IFT140: variants seen among roughly 807,000 people sequenced by gnomAD.
IFT140 encodes the protein intraflagellar transport 140, also known as intraflagellar transport protein 140 homolog.
In IFT140, 133 loss-of-function variants were observed where a neutral mutation model predicts 164.6. The ratio of observed to expected loss-of-function variants is 0.81; its 90% CI spans 0.70 to 0.93. The LOEUF (loss-of-function observed/expected upper bound fraction) is 0.93. IFT140 is among the 40% of genes least tolerant of loss of function. The pLI, the probability that IFT140 is intolerant of heterozygous loss-of-function variation, is 0.00. For synonymous variants in IFT140, 860 were observed against 817.3 expected (o/e 1.05, Z -0.89); for missense variants, 2,045 against 1,972.3 (o/e 1.04, Z -0.70).
chr16:1,582,604 G>A (rs923974909), intron 12 of IFT140, among the ~76,000 whole-genome samples: 2 of 152,242 alleles, frequency 1.3e-5, no homozygotes, highest in Admixed American at 1.3e-4. Flanking sequence ...AAGAGAGCAG[G>A]AAGAAAACAA....
chr16:1,580,038 G>C (rs970689465), intron 13 of IFT140: 8 of 151,852 alleles, frequency 5.3e-5, no homozygotes, highest in Middle Eastern at 3.2e-3. Flanking sequence ...GAGACAGCCT[G>C]GCTAAGGACA....
chr16:1,517,350 CAAAA>C (rs1331940278), intron 30 of IFT140, among the ~76,000 whole-genome samples: 3 of 60,162 alleles, frequency 5.0e-5, no homozygotes, highest in Admixed American at 3.6e-4. Flanking sequence ...ACTCCGTCTC[CAAAA>C]AAAAAAAAAA....
chr16:1,566,249 C>T lies in IFT140; in HGVS notation c.1813G>A (p.Glu605Lys). 6.2e-7 allele frequency: 1 copy of T among 1,613,912 alleles called. No individual in the cohort carries two copies. Among genetic ancestry groups the T allele is most frequent in the Non-Finnish European group, 8.5e-7 (1 of 1,179,812 alleles). ...TCAAAGACGGTCACTGTGTCCATTT[C>T]AACATCGTAGAAGCAGATTTTGGAA... ...PDSKICFYDV[E>K]MDTVTVFDFK... Residue 605 changes from glutamate to lysine, a missense_variant, in exon 16 of 31, where the codon GAA becomes AAA. Transcript: ENST00000426508.
At chr16:1,585,573 TAG>T (rs946578595) in intron 10 of IFT140, among the ~76,000 whole-genome samples, 2 of 152,252 alleles carry the variant, frequency 1.3e-5, no homozygotes, top group Admixed American at 1.3e-4. Flanking sequence ...TTCATACAGA[TAG>T]AGAGAGATGG....
intron 4 of IFT140, among the ~76,000 whole-genome samples, chr16:1,594,945 T>A (rs2035377828): frequency 1.3e-5 from 2 of 152,268 alleles, no homozygotes; most frequent in Non-Finnish European, 1.5e-5. Context: ...GATAACATGC[T>A]TTTTATTGTA....
chr16:1,523,517 C>G lies in IFT140; in HGVS notation c.3453+1G>C. The G allele has an allele frequency of 6.2e-7, 1 of 1,609,856 alleles. No homozygotes were observed. The highest frequency in any genetic ancestry group is 8.5e-7 in the Non-Finnish European group (1 of 1,179,488). ...GAGCCCAGGCCCCGCTGGCCCCGTACCTTCCTGGCAGCCAGCAGCAGCTCT... is the reference window on the plus strand; with the variant it reads ...GAGCCCAGGCCCCGCTGGCCCCGTAGCTTCCTGGCAGCCAGCAGCAGCTCT... On this transcript the variant is annotated splice_donor_variant, in intron 26 of 30. Coordinates refer to ENST00000426508, the MANE Select transcript of IFT140 (RefSeq NM_014714.4). LOFTEE classifies it high-confidence loss of function.
chr16:1,524,949 C>T (rs777141110), intron 22 of IFT140, 33 bp from the exon 23 acceptor site: 1 of 1,581,720 alleles, frequency 6.3e-7, no homozygotes, highest in African/African-American at 1.3e-5. Flanking sequence ...GATTCTCCAC[C>T]CGAGCCCCGC....
chr16:1,591,106 C>T (rs1289022011), intron 6 of IFT140, among the ~76,000 whole-genome samples: 1 of 152,182 alleles, frequency 6.6e-6, no homozygotes, highest in Non-Finnish European at 1.5e-5. Flanking sequence ...GATGAACTCA[C>T]CCACAAAGCC....
At chr16:1,529,770 T>A (rs1228559206) in intron 19 of IFT140, among the ~76,000 whole-genome samples, 1 of 152,186 alleles carries the variant, frequency 6.6e-6, no homozygotes. Context: ...AAAACTAGTT[T>A]ATAAACGGCT....
At chr16:1,556,054 C>T (rs1205011138) in intron 19 of IFT140, among the ~76,000 whole-genome samples, 1 of 152,050 alleles carries the variant, frequency 6.6e-6, no homozygotes, top group African/African-American at 2.4e-5. Flanking sequence ...TGCAGTGAGC[C>T]GAGATTGTGC....
At chr16:1,523,446 A>G (rs1033561218) in intron 26 of IFT140, 72 bp downstream of exon 26, 3 of 1,500,732 alleles carry the variant, frequency 2.0e-6, no homozygotes, top group Non-Finnish European at 2.7e-6. Flanking sequence ...CCATTCCCAC[A>G]GCCTCTGGGG....
intron 1 of IFT140, 70 bp from the exon 2 acceptor site, chr16:1,610,923 T>G (rs550926182): frequency 6.6e-6 from 1 of 152,496 alleles, no homozygotes; most frequent in Admixed American, 6.5e-5. Context: ...CTGGGTCCCC[T>G]TTGTGTGGAG....
At chr16:1,537,063 C>T (rs2031146117) in intron 19 of IFT140, among the ~76,000 whole-genome samples, 1 of 152,254 alleles carries the variant, frequency 6.6e-6, no homozygotes, top group African/African-American at 2.4e-5. Flanking sequence ...CTGCCTTGGC[C>T]AGTGTTCCTT....
In IFT140 at chr16:1,589,737, C is replaced by T. The variant is rs1270248004; in HGVS notation, c.678G>A (p.Val226=). The T allele has an allele frequency of 6.2e-7, 1 of 1,614,188 alleles. No homozygotes were observed. The highest frequency in any genetic ancestry group is 1.3e-5 in the African/African-American group (1 of 75,056). ...TCTGAATCGTGCTGTCTGCGGACAC[C>T]ACCTGAGTGGTCTTGCCCTTCTCAT... is the stretch of plus-strand genomic sequence containing the variant. ...YVDEKGKTTQ[V]VSADSTIQML... The change falls in exon 7 of 31, where the codon GTG becomes GTA. Residue 226 remains valine (V), a synonymous_variant. Transcript: ENST00000426508.
intron 4 of IFT140, among the ~76,000 whole-genome samples, chr16:1,594,858 G>C (rs2035373051): frequency 6.6e-6 from 1 of 152,218 alleles, no homozygotes; most frequent in Non-Finnish European, 1.5e-5. Flanking sequence ...CCAAAACTGG[G>C]GGCCCTTTAG....
At chr16:1,606,457 G>A (rs995434307) in intron 3 of IFT140, among the ~76,000 whole-genome samples, 1 of 152,182 alleles carries the variant, frequency 6.6e-6, no homozygotes, top group Non-Finnish European at 1.5e-5. Context: ...GACGGATGTC[G>A]TTTTCTTTTT....
intron 19 of IFT140, among the ~76,000 whole-genome samples, chr16:1,537,321 G>A (rs2076440): frequency 0.43 from 65,362 of 152,150 alleles, 15,429 homozygotes; most frequent in African/African-American, 0.63. Flanking sequence ...GGATGTCTCC[G>A]GACGGCTCTG....
chr16:1,569,650 G>A (rs1481667864), intron 14 of IFT140, among the ~76,000 whole-genome samples: 2 of 151,334 alleles, frequency 1.3e-5, no homozygotes, highest in African/African-American at 4.9e-5. Context: ...TAGTGCAGTG[G>A]TGTGATCTTG....
chr16:1,534,122 C>CCTG (rs2030800871), intron 19 of IFT140: 1 of 935,792 alleles, frequency 1.1e-6, no homozygotes, highest in Admixed American at 3.0e-5. Context: ...AGAGGCGGCA[C>CCTG]ACCTGGACCA....
Sources: gnomAD v4.1 joint callset for allele counts (sites outside exome capture counted in the v4.1 genomes callset) on GRCh38, gnomAD v4.1.1 for gene constraint, MANE v1.5 for transcripts, NCBI Gene and HGNC (gene_info 2026-07-23, HGNC 2026-07-21) for gene names.